Variants in LYRM1 observed in about 807,000 individuals in gnomAD.
LYRM1 encodes the protein LYR motif-containing protein 1.
A neutral mutation model predicts 14.9 loss-of-function variants in LYRM1; 14 were observed. That is an observed-to-expected ratio of 0.94 (90% CI 0.62 to 1.47). LYRM1 has a LOEUF of 1.47. Among genes scored for constraint, LYRM1 ranks in the 40% most tolerant of loss-of-function variants. The pLI is 0.00. For synonymous variants in LYRM1, 43 were observed against 56.2 expected, an observed-to-expected ratio of 0.77 and a Z score of 1.05; for missense variants, 153 against 149.9, an observed-to-expected ratio of 1.02 and a Z score of -0.11.
At chr16:20,910,004 T>G (rs1274081555) in intron 1 of LYRM1, among the ~76,000 whole-genome samples, 1 of 152,100 alleles carries the variant, frequency 6.6e-6, no homozygotes, top group African/African-American at 2.4e-5. Flanking sequence ...GTGAGAAGGT[T>G]CAACAGAGAG....
At chr16:20,922,118 G>A (rs1037472123) in intron 3 of LYRM1, 2 of 151,598 alleles carry the variant, frequency 1.3e-5, no homozygotes, top group African/African-American at 4.9e-5. Flanking sequence ...CTGAGTAGCT[G>A]GGATTACAGA....
intron 1 of LYRM1, among the ~76,000 whole-genome samples, chr16:20,908,789 G>A (rs2082445282): frequency 6.6e-6 from 1 of 152,196 alleles, no homozygotes; most frequent in South Asian, 2.1e-4. Context: ...GTAGGTGTCT[G>A]TTTGATGGTG....
chr16:20,915,564 G>C lies in LYRM1; in HGVS notation c.9G>C (p.Thr3=), dbSNP rs377354416. MT[T]ATRQEVLGLY... ...TTTTGGTGGGTCTGAAGATGACAACGGCAACACGACAAGAAGTCCTTGGCC... is the reference window on the plus strand; with the variant it reads ...TTTTGGTGGGTCTGAAGATGACAACCGCAACACGACAAGAAGTCCTTGGCC... Residue 3 remains threonine, a synonymous_variant, in exon 2 of 4, where the codon ACG becomes ACC. Transcript: ENST00000567954. 11 of 1,613,572 alleles carry C rather than the reference G, an allele frequency of 6.8e-6. No individual in the cohort carries two copies. The highest frequency in any genetic ancestry group is 9.3e-6 in the Non-Finnish European group (11 of 1,179,800).
chr16:20,920,315 C>T, intron 3 of LYRM1, 101 bp downstream of exon 3: 1 of 882,830 alleles, frequency 1.1e-6, no homozygotes, highest in Non-Finnish European at 1.9e-6. Flanking sequence ...CTGAGAAGCC[C>T]AGAGCTGCTG....
chr16:20,920,334 A>G, intron 3 of LYRM1, 120 bp downstream of exon 3: 3 of 771,902 alleles, frequency 3.9e-6, no homozygotes, highest in Non-Finnish European at 7.0e-6. Context: ...TGTGGGAGGC[A>G]TGTTGGAAAT....
At chr16:20,923,830 A>T (rs890501336) in intron 3 of LYRM1, among the ~76,000 whole-genome samples, 170 bp from the exon 4 acceptor site, 2 of 152,208 alleles carry the variant, frequency 1.3e-5, no homozygotes, top group African/African-American at 4.8e-5. Flanking sequence ...AAATATTAGA[A>T]TAATAATCCC....
intron 1 of LYRM1, among the ~76,000 whole-genome samples, chr16:20,913,743 T>G (rs773669952): frequency 8.4e-4 from 128 of 152,210 alleles, no homozygotes; most frequent in Admixed American, 1.6e-3. Flanking sequence ...TCTTCTGAAA[T>G]TAAAACTGAT....
In LYRM1 at chr16:20,924,083, A is replaced by G; in HGVS notation, c.336A>G (p.Pro112=). ...SQEKLRKLSK[P]VYLRSHDEVS ...AGAAACTGAGGAAACTTTCCAAACC[A>G]GTATATCTCAGATCTCATGATGAAG... The change falls in exon 4 of 4, where the codon CCA becomes CCG. Residue 112 remains proline, a synonymous_variant. Coordinates refer to ENST00000567954, the MANE Select transcript of LYRM1 (RefSeq NM_001128302.3). 1 of 1,610,258 alleles carries G rather than the reference A, an allele frequency of 6.2e-7. No individual in the cohort carries two copies. Among genetic ancestry groups the G allele is most frequent in the South Asian group, 1.1e-5 (1 of 90,698 alleles).
intron 1 of LYRM1, among the ~76,000 whole-genome samples, chr16:20,906,791 GCA>G (rs1413806046): frequency 6.6e-6 from 1 of 152,134 alleles, no homozygotes; most frequent in African/African-American, 2.4e-5. Flanking sequence ...GGGTAAAAGG[GCA>G]CAGTGGATGA....
intron 1 of LYRM1, 39 bp from the exon 2 acceptor site, chr16:20,915,517 T>A (rs777795474): frequency 1.3e-6 from 2 of 1,590,760 alleles, no homozygotes; most frequent in African/African-American, 2.7e-5. Flanking sequence ...GTTGCATTTT[T>A]ATGCAAATTT....
intron 3 of LYRM1, among the ~76,000 whole-genome samples, chr16:20,920,903 CTT>C (rs2083151970): frequency 6.8e-6 from 1 of 147,356 alleles, no homozygotes; most frequent in East Asian, 1.9e-4. Context: ...ATAAATAAAA[CTT>C]AAATTTATAT....
chr16:20,908,959 A>C (rs955921944), intron 1 of LYRM1, among the ~76,000 whole-genome samples: 1 of 152,236 alleles, frequency 6.6e-6, no homozygotes, highest in South Asian at 2.1e-4. Context: ...TAGCTTAAAA[A>C]GTTTTCTAAT....
chr16:20,923,412 T>C (rs547093166), intron 3 of LYRM1, among the ~76,000 whole-genome samples: 1 of 148,214 alleles, frequency 6.7e-6, no homozygotes, highest in South Asian at 2.1e-4. Flanking sequence ...AGACAGAGAA[T>C]CACTTGAACC....
chr16:20,923,019 T>A (rs2083276394), intron 3 of LYRM1, among the ~76,000 whole-genome samples: 1 of 152,106 alleles, frequency 6.6e-6, no homozygotes, highest in African/African-American at 2.4e-5. Context: ...CGCTTCCCCT[T>A]CTTCTGCCTG....
At chr16:20,915,324 G>A (rs925524431) in intron 1 of LYRM1, among the ~76,000 whole-genome samples, 11 of 152,102 alleles carry the variant, frequency 7.2e-5, no homozygotes, top group Non-Finnish European at 1.3e-4. Context: ...GCCAGGCGTG[G>A]TGGCGGGCGC....
At chr16:20,902,531 A>G (rs920566351) in intron 1 of LYRM1, 3 of 152,238 alleles carry the variant, frequency 2.0e-5, no homozygotes, top group African/African-American at 7.2e-5. Context: ...CGACACAGAC[A>G]AGACCTCAGA....
At chr16:20,922,153 C>G (rs2083227554) in intron 3 of LYRM1, 1 of 151,880 alleles carries the variant, frequency 6.6e-6, no homozygotes, top group African/African-American at 2.4e-5. Context: ...CCACACCCAC[C>G]TAATTTTTGT....
At position 20,920,328 on chromosome 16, in the gene LYRM1, G is replaced by A. The variant is rs778621350; in HGVS notation, c.252+114G>A. On this transcript the variant is annotated intron_variant, in intron 3 of 3. Transcript: ENST00000567954. The stretch of plus-strand genomic sequence containing the variant: ...TGCTGAGAAGCCCAGAGCTGCTGTG[G>A]GAGGCATGTTGGAAATAAGCTATCA... The A allele has an allele frequency of 5.0e-6, 4 of 803,304 alleles. No homozygotes were observed. In the South Asian group the frequency reaches 5.7e-5, roughly 11 times the overall value. The allele number at this position is 803,304 out of a possible 1,614,324, so 49.8% of individuals were successfully genotyped here. A position where few individuals can be genotyped will look rare whatever the true frequency, so the allele number is the denominator to read the frequency against.
rs367560417 is a variant in LYRM1 at position 20,919,251 on chromosome 16, T to C, written c.160-871T>C. On this transcript the variant is annotated intron_variant, in intron 2 of 3. Transcript: ENST00000567954. ...CAGTTGACAGTTTAAGAGGTGTAGA[T>C]CATTCTCCAGTGTCCTACTCTGGGG... Among the ~76,000 whole-genome samples, 170 of 151,956 alleles carry C rather than the reference T, an allele frequency of 1.1e-3. 3 individuals carry two copies. In the South Asian group the frequency reaches 0.033, roughly 30 times the overall value.
Sources: allele counts gnomAD v4.1 joint callset (sites outside exome capture counted in the v4.1 genomes callset), GRCh38; gene constraint gnomAD v4.1.1; transcripts MANE v1.5; gene names NCBI Gene and HGNC (gene_info 2026-07-23, HGNC 2026-07-21).